The following ENTPD6 variants were observed in gnomAD, a reference collection of about 807,000 sequenced individuals.
ENTPD6 encodes the protein CD39 antigen-like 2.
Under a neutral mutation model 61.5 loss-of-function variants are expected in ENTPD6, and 46 were observed. The observed-to-expected ratio is 0.75, with a 90% CI of 0.59 to 0.96. ENTPD6 has a LOEUF of 0.96. ENTPD6 is among the 40% of genes least tolerant of loss of function. The probability of loss-of-function intolerance (pLI) is 0.00; values close to 1 mark genes in which losing one functional copy is unlikely to be tolerated. For synonymous variants in ENTPD6, 252 were observed against 255.5 expected (o/e 0.99, Z 0.13); for missense variants, 612 against 629.0 (o/e 0.97, Z 0.29).
intron 14 of ENTPD6, 52 bp from the exon 15 acceptor site, chr20:25,225,447 C>CA: frequency 6.3e-7 from 1 of 1,587,534 alleles, no homozygotes; most frequent in East Asian, 2.2e-5. Context: ...TCCTGATGCA[C>CA]AAGGCTTTCC....
In ENTPD6 at chr20:25,207,081, G is replaced by A. The variant is rs150835339; in HGVS notation, c.60G>A (p.Pro20=). ...SRKTSYIFQQ[P]QHGPWQTRMR... is the part of the protein sequence containing the mutation. ...CTCTCCCCCCTTCCCACCAGCAGCC[G>A]CAGCACGGTCCTTGGCAAACAAGGA... Residue 20 remains proline (P), a synonymous_variant, in exon 3 of 15, where the codon CCG becomes CCA. Coordinates refer to ENST00000376652, the MANE Select transcript of ENTPD6 (RefSeq NM_001247.5). 74 of 1,601,406 alleles carry A rather than the reference G, an allele frequency of 4.6e-5. No homozygotes were observed. The highest frequency in any genetic ancestry group is 9.9e-5 in the South Asian group (9 of 90,532).
At chr20:25,202,280 C>T (rs887202430) in intron 1 of ENTPD6, among the ~76,000 whole-genome samples, 2 of 152,126 alleles carry the variant, frequency 1.3e-5, no homozygotes, top group African/African-American at 4.8e-5. Context: ...TAGACCTGTG[C>T]AGTTCAAACC....
Position 25,195,784 on chromosome 20 carries a change from G to T in ENTPD6, c.-99G>T. 5.2e-6 allele frequency: 6 copies of T among 1,159,842 alleles called. No homozygotes were observed. Among genetic ancestry groups the T allele is most frequent in the Non-Finnish European group, 6.6e-6 (6 of 915,010 alleles). The allele number at this position is 1,159,842 out of a possible 1,614,324, so 71.8% of individuals were successfully genotyped here. On this transcript the variant is annotated 5_prime_UTR_variant, in exon 1 of 15. Transcript: ENST00000376652. ...AGGCCGGGGTGGCGCCGGCCGGGGCGGGGGAGCCCAAAAGACCGGCTGCCG... is the reference window on the plus strand; with the variant it reads ...AGGCCGGGGTGGCGCCGGCCGGGGCTGGGGAGCCCAAAAGACCGGCTGCCG...
intron 11 of ENTPD6, chr20:25,221,561 C>A: frequency 1.7e-6 from 1 of 572,186 alleles, no homozygotes; most frequent in South Asian, 1.9e-5. Flanking sequence ...CTGACTGTCA[C>A]CAGAAGCTTC....
chr20:25,219,703 G>A (rs965537964), intron 10 of ENTPD6, among the ~76,000 whole-genome samples: 7 of 152,156 alleles, frequency 4.6e-5, no homozygotes, highest in Admixed American at 1.3e-4. Context: ...CAGCACCTAC[G>A]TGTGCTCCAG....
intron 1 of ENTPD6, among the ~76,000 whole-genome samples, chr20:25,200,558 G>T (rs2090951541): frequency 2.6e-5 from 4 of 151,690 alleles, no homozygotes. Context: ...TTTCATCTAG[G>T]TTATCCAGTT....
In ENTPD6 at chr20:25,225,284, G is replaced by A; in HGVS notation, c.1323G>A (p.Gln441=). 18 of 1,613,446 alleles carry A rather than the reference G, an allele frequency of 1.1e-5. No individual in the cohort carries two copies. Among genetic ancestry groups the A allele is most frequent in the Non-Finnish European group, 1.4e-5 (17 of 1,179,970 alleles). Residue 441 remains glutamine (Q), a synonymous_variant, in exon 14 of 15, where the codon CAG becomes CAA. Coordinates refer to ENST00000376652, the MANE Select transcript of ENTPD6 (RefSeq NM_001247.5). ...MDLTYVSLLL[Q]EFGFPRSKVL... Reference sequence around the variant, plus strand: ...TCACCTACGTCAGCCTGCTACTCCAGGAGTTCGGCTTTCCCAGGAGCAAAG... The same window carrying A: ...TCACCTACGTCAGCCTGCTACTCCAAGAGTTCGGCTTTCCCAGGAGCAAAG...
At chr20:25,217,632 C>T (rs2092389365) in intron 9 of ENTPD6, 51 bp downstream of exon 9, 5 of 1,493,480 alleles carry the variant, frequency 3.3e-6, no homozygotes, top group Non-Finnish European at 3.7e-6. Context: ...GGGTATGCAG[C>T]TCCCAGGGCC....
At chr20:25,223,700 CTTTT>C (rs74377963) in intron 12 of ENTPD6, among the ~76,000 whole-genome samples, 1 of 138,756 alleles carries the variant, frequency 7.2e-6, no homozygotes. Context: ...TTTTCAAGAA[CTTTT>C]TTTTTTTTTT....
intron 2 of ENTPD6, 71 bp downstream of exon 2, chr20:25,206,661 T>G (rs1296329000): frequency 1.8e-6 from 2 of 1,106,854 alleles, no homozygotes; most frequent in African/African-American, 3.1e-5. Flanking sequence ...ATTGCCTGAA[T>G]AGAAGTATAA....
chr20:25,219,954 A>G (rs1363309833), intron 10 of ENTPD6, among the ~76,000 whole-genome samples: 1 of 152,192 alleles, frequency 6.6e-6, no homozygotes, highest in Non-Finnish European at 1.5e-5. Flanking sequence ...TTCTGGGGCC[A>G]AAAAACACCT....
intron 11 of ENTPD6, chr20:25,221,687 A>T (rs1473272193): frequency 1.4e-5 from 5 of 367,878 alleles, no homozygotes; most frequent in Admixed American, 7.7e-5. Flanking sequence ...CTGGGCGGGA[A>T]TAGAGGGAGG....
At chr20:25,204,502 A>C (rs922146626) in intron 1 of ENTPD6, among the ~76,000 whole-genome samples, 1 of 151,906 alleles carries the variant, frequency 6.6e-6, no homozygotes, top group African/African-American at 2.4e-5. Flanking sequence ...TACTTTCTCA[A>C]AGTCTCCCCC....
intron 4 of ENTPD6, among the ~76,000 whole-genome samples, chr20:25,211,673 A>G (rs549501523): frequency 2.0e-5 from 3 of 152,324 alleles, no homozygotes; most frequent in East Asian, 3.9e-4. Context: ...GATGCTGCAC[A>G]CTTACCTCAT....
intron 1 of ENTPD6, among the ~76,000 whole-genome samples, chr20:25,205,064 G>A (rs2091349987): frequency 1.3e-5 from 2 of 152,136 alleles, no homozygotes; most frequent in Admixed American, 6.5e-5. Context: ...GTCTGGTGAC[G>A]TTATAGAAGG....
intron 4 of ENTPD6, among the ~76,000 whole-genome samples, chr20:25,210,229 A>G (rs901283290): frequency 6.6e-6 from 1 of 152,236 alleles, no homozygotes; most frequent in African/African-American, 2.4e-5. Context: ...TACAAAAATC[A>G]TTATTTGATA....
chr20:25,213,274 A>G lies in ENTPD6; in HGVS notation c.465A>G (p.Gly155=). The G allele has an allele frequency of 6.2e-7, 1 of 1,614,252 alleles. No homozygotes were observed. The highest frequency in any genetic ancestry group is 8.5e-7 in the Non-Finnish European group (1 of 1,180,046). ...YADDVEKSAQ[G]IRELLDVAKQ... ...TACCACGTTCACAGAGCGCTCAGGGAATCCGGGAACTACTGGATGTTGCTA... is the reference window on the plus strand; with the variant it reads ...TACCACGTTCACAGAGCGCTCAGGGGATCCGGGAACTACTGGATGTTGCTA... Residue 155 remains glycine, a synonymous_variant, in exon 5 of 15, where the codon GGA becomes GGG. Transcript: ENST00000376652.
intron 7 of ENTPD6, 94 bp downstream of exon 7, chr20:25,215,805 C>A: frequency 7.6e-7 from 1 of 1,323,330 alleles, no homozygotes; most frequent in South Asian, 1.2e-5. Context: ...CATTTCTGCT[C>A]TTTAAGATAA....
chr20:25,204,476 A>T (rs1006036911), intron 1 of ENTPD6, among the ~76,000 whole-genome samples: 1 of 152,086 alleles, frequency 6.6e-6, no homozygotes, highest in Non-Finnish European at 1.5e-5. Context: ...AGCTTTATAT[A>T]TATATATATA....
Sources: gnomAD v4.1 joint callset for allele counts (sites outside exome capture counted in the v4.1 genomes callset) on GRCh38, gnomAD v4.1.1 for gene constraint, MANE v1.5 for transcripts, NCBI Gene and HGNC (gene_info 2026-07-23, HGNC 2026-07-21) for gene names.